SPATA9: variants seen among roughly 807,000 people sequenced by gnomAD.
The protein encoded by SPATA9 is spermatogenesis-associated protein 9.
SPATA9 carries 27 observed loss-of-function variants against 25.5 expected under a neutral mutation model. The ratio of observed to expected loss-of-function variants is 1.06; its 90% CI spans 0.78 to 1.46. SPATA9 has a LOEUF of 1.46. SPATA9 is among the 40% of genes most tolerant of loss of function. SPATA9 has a pLI of 0.00. For synonymous variants in SPATA9, 102 were observed against 105.7 expected (o/e 0.97, Z 0.21); for missense variants, 282 against 297.5 (o/e 0.95, Z 0.38).
intron 2 of SPATA9, among the ~76,000 whole-genome samples, chr5:95,681,551 C>T (rs1275752932): frequency 6.6e-6 from 1 of 152,148 alleles, no homozygotes; most frequent in African/African-American, 2.4e-5. Flanking sequence ...TGCAATTACT[C>T]CTTTACAACT....
At chr5:95,728,975 G>A in the SPATA9 span, among the ~76,000 whole-genome samples, 2 of 152,270 alleles carry the variant, frequency 1.3e-5, no homozygotes, top group African/African-American at 2.4e-5. Context: ...CAAATGTCAC[G>A]GCAATGTCAG....
At chr5:95,669,143 G>GT (rs1323184365) in intron 3 of SPATA9, among the ~76,000 whole-genome samples, 1 of 152,206 alleles carries the variant, frequency 6.6e-6, no homozygotes. Context: ...ATTAACCCCA[G>GT]TGTTAACATT....
chr5:95,653,115 A>C, exon 9 of SPATA9: 1 of 1,551,540 alleles, frequency 6.4e-7, no homozygotes, highest in Non-Finnish European at 8.7e-7. Context: ...CTCTTCTTTC[A>C]GTATGGAATT....
intron 3 of SPATA9, among the ~76,000 whole-genome samples, chr5:95,666,509 ATGTC>A (rs1184243036): frequency 6.6e-6 from 1 of 152,194 alleles, no homozygotes; most frequent in African/African-American, 2.4e-5. Context: ...TTTTAGTAAA[ATGTC>A]TGTGCATGGG....
At chr5:95,731,274 G>T in the SPATA9 span, 9 of 1,015,332 alleles carry the variant, frequency 8.9e-6, no homozygotes, top group Non-Finnish European at 1.1e-5. Flanking sequence ...CTGAGGGGGC[G>T]GAGGCCCCGA....
chr5:95,675,347 T>C, intron 3 of SPATA9, 65 bp downstream of exon 3: 1 of 1,341,184 alleles, frequency 7.5e-7, no homozygotes, highest in Non-Finnish European at 1.0e-6. Context: ...ATTTTATTTT[T>C]CAAGTTTTGC....
At chr5:95,656,381 T>A, downstream of SPATA9, 1 of 1,307,228 alleles carries the variant, frequency 7.6e-7, no homozygotes, top group Non-Finnish European at 1.1e-6. Context: ...GCTTCAGTTT[T>A]AAAGGTGATG....
At chr5:95,665,697 G>A (rs560673663) in intron 3 of SPATA9, among the ~76,000 whole-genome samples, 54 of 152,292 alleles carry the variant, frequency 3.5e-4, no homozygotes, top group Admixed American at 1.1e-3. Flanking sequence ...TTTCTGGGCC[G>A]GACACAGTGG....
chr5:95,726,031 G>A, the SPATA9 span, among the ~76,000 whole-genome samples: 1 of 152,142 alleles, frequency 6.6e-6, no homozygotes, highest in Non-Finnish European at 1.5e-5. Context: ...GGAACACAAT[G>A]TAGTAAATAC....
intron 3 of SPATA9, among the ~76,000 whole-genome samples, chr5:95,675,122 T>A (rs11956137): frequency 0.016 from 2,496 of 152,310 alleles, 69 homozygotes; most frequent in African/African-American, 0.057. Context: ...CAATAATTTT[T>A]AAGGCTAGTT....
chr5:95,711,907 G>A, the SPATA9 span, among the ~76,000 whole-genome samples: 1 of 152,194 alleles, frequency 6.6e-6, no homozygotes, highest in Non-Finnish European at 1.5e-5. Flanking sequence ...ACAATTGTAG[G>A]ATTCAATGAC....
intron 4 of SPATA9, among the ~76,000 whole-genome samples, chr5:95,660,563 C>T (rs1160273630): frequency 6.6e-6 from 1 of 152,166 alleles, no homozygotes; most frequent in Non-Finnish European, 1.5e-5. Context: ...GCACTAGAAA[C>T]CTTTAAAGTC....
At chr5:95,720,061 G>A in the SPATA9 span, among the ~76,000 whole-genome samples, 3 of 152,182 alleles carry the variant, frequency 2.0e-5, no homozygotes, top group African/African-American at 7.2e-5. Flanking sequence ...TAATAGTCGA[G>A]AGTCTCATTA....
chr5:95,677,073 C>A (rs1753004485), intron 2 of SPATA9, among the ~76,000 whole-genome samples: 2 of 152,232 alleles, frequency 1.3e-5, no homozygotes, highest in Non-Finnish European at 1.5e-5. Context: ...CACTTTCTCA[C>A]TAAGACCTTC....
the SPATA9 span, among the ~76,000 whole-genome samples, chr5:95,729,451 CATTTTTGTATTAAT>C: frequency 6.6e-6 from 1 of 152,120 alleles, no homozygotes; most frequent in East Asian, 1.9e-4. Flanking sequence ...ATTTTTGTTT[CATTTTTGTATTAAT>C]ATTTTTATAT....
downstream of SPATA9, chr5:95,652,242 T>C: frequency 6.5e-7 from 1 of 1,545,324 alleles, no homozygotes; most frequent in Non-Finnish European, 8.7e-7. Context: ...ATCTTGCCTC[T>C]CTACAACCTC....
chr5:95,687,828 C>T (rs1157072136), upstream of SPATA9, among the ~76,000 whole-genome samples: 1 of 152,154 alleles, frequency 6.6e-6, no homozygotes, highest in Non-Finnish European at 1.5e-5. Context: ...ATTATAAGTT[C>T]CCTGAGTTCT....
upstream of SPATA9, among the ~76,000 whole-genome samples, chr5:95,702,508 T>C (rs1169346021): frequency 6.6e-6 from 1 of 152,166 alleles, no homozygotes; most frequent in African/African-American, 2.4e-5. Flanking sequence ...AGAACCAATT[T>C]GTCTAACTCA....
intron 3 of SPATA9, among the ~76,000 whole-genome samples, chr5:95,671,519 C>T (rs1396505464): frequency 6.6e-6 from 1 of 152,166 alleles, no homozygotes; most frequent in Non-Finnish European, 1.5e-5. Context: ...AAGCGATTCT[C>T]CTGCCTCAGC....
Sources: allele counts gnomAD v4.1 joint callset (sites outside exome capture counted in the v4.1 genomes callset), GRCh38; gene constraint gnomAD v4.1.1; transcripts MANE v1.5; gene names NCBI Gene and HGNC (gene_info 2026-07-23, HGNC 2026-07-21).